The following FLT3LG variants were observed in gnomAD, a reference collection of about 807,000 sequenced individuals.
FLT3LG encodes the protein fms-related tyrosine kinase 3 ligand.
A neutral mutation model predicts 30.9 loss-of-function variants in FLT3LG; 8 were observed. The ratio of observed to expected loss-of-function variants is 0.26; its 90% CI spans 0.15 to 0.47. The LOEUF (loss-of-function observed/expected upper bound fraction) is 0.47, where lower values mean the gene tolerates loss of function less well. Among genes scored for constraint, FLT3LG ranks in the 20% least tolerant of loss-of-function variants. The pLI is 0.99. For missense variants in FLT3LG, 278 were observed against 306.2 expected (o/e 0.91, Z 0.69); for synonymous variants, 123 against 135.9 (o/e 0.91, Z 0.66).
In FLT3LG at chr19:49,478,828, G is replaced by A. The variant is rs937997322; in HGVS notation, c.343-81G>A. 3.0e-5 allele frequency: 39 copies of A among 1,300,536 alleles called. No homozygotes were observed. In the African/African-American group the frequency reaches 3.4e-4, roughly 11 times the overall value. The allele number at this position is 1,300,536 out of a possible 1,614,324, so 80.6% of individuals were successfully genotyped here. The stretch of plus-strand genomic sequence containing the variant: ...TCACTGGGCCCTGTTGCTGGGCATC[G>A]CCAGCAGGGAAGGGCCTTTGGCCTG... On this transcript the variant is annotated intron_variant, in intron 5 of 8. Coordinates refer to ENST00000597551, the MANE Select transcript of FLT3LG (RefSeq NM_001459.4).
In FLT3LG at chr19:49,478,909, C is replaced by G. The variant is rs1479729861; in HGVS notation, c.343C>G (p.Pro115Ala). ...IHFVTKCAFQ[P>A]PPSCLRFVQT... ...TGACGTCTCCCTCCCCTGCTCCCAGCCCCCCCCCAGCTGTCTTCGCTTCGT... is the reference window on the plus strand; with the variant it reads ...TGACGTCTCCCTCCCCTGCTCCCAGGCCCCCCCCAGCTGTCTTCGCTTCGT... The change falls in exon 6 of 9, where the codon CCC (proline) becomes GCC (alanine). Residue 115 changes from proline to alanine, a missense_variant and splice_region_variant. Transcript: ENST00000597551. 2 of 1,475,642 alleles carry G rather than the reference C, an allele frequency of 1.4e-6. No individual in the cohort carries two copies. Among genetic ancestry groups the G allele is most frequent in the Admixed American group, 4.5e-5 (2 of 44,796 alleles). 91.4% of individuals were successfully genotyped at this position (1,475,642 alleles called of 1,614,324 possible).
intron 2 of FLT3LG, among the ~76,000 whole-genome samples, chr19:49,475,264 A>G (rs1601068930): frequency 2.9e-5 from 4 of 140,312 alleles, no homozygotes; most frequent in Admixed American, 7.1e-5. Context: ...AAAAGGGGGG[A>G]GATGGACAGA....
intron 8 of FLT3LG, among the ~76,000 whole-genome samples, chr19:49,484,288 A>ATTTTTTTTTTTTTTTTTTTTTTTTATAT: frequency 1.0e-5 from 1 of 98,334 alleles, no homozygotes; most frequent in Non-Finnish European, 2.0e-5. Flanking sequence ...TTTTATTATA[A>ATTTTTTTTTTTTTTTTTTTTTTTTATAT]TTTTTTTTTT....
At chr19:49,478,087 G>A (rs1407995119) in intron 5 of FLT3LG, among the ~76,000 whole-genome samples, 3 of 151,602 alleles carry the variant, frequency 2.0e-5, no homozygotes, top group Non-Finnish European at 2.9e-5. Context: ...GGCCGAGGCG[G>A]GCGAGTCACC....
intron 5 of FLT3LG, 54 bp from the exon 6 acceptor site, chr19:49,478,855 G>A (rs896713347): frequency 2.8e-5 from 41 of 1,439,782 alleles, no homozygotes; most frequent in South Asian, 4.3e-5. Flanking sequence ...TTTGGCCTGC[G>A]GAGGGGCGGT....
chr19:49,474,995 T>C (rs1391412555), intron 2 of FLT3LG, among the ~76,000 whole-genome samples: 1 of 56,504 alleles, frequency 1.8e-5, no homozygotes, highest in African/African-American at 7.7e-5. Flanking sequence ...GAGAGGGAGA[T>C]AAAGAGGAGG....
chr19:49,475,531 C>A (rs1265868843), intron 2 of FLT3LG, 160 bp from the exon 3 acceptor site: 4 of 940,320 alleles, frequency 4.3e-6, no homozygotes, highest in Middle Eastern at 3.4e-4. Context: ...CCGGGAAAGA[C>A]AGGCAGAGAT....
In FLT3LG at chr19:49,480,361, C is replaced by T. The variant is rs758359819; in HGVS notation, c.545C>T (p.Pro182Leu). 53 of 1,610,348 alleles carry T rather than the reference C, an allele frequency of 3.3e-5. No individual in the cohort carries two copies. The highest frequency in any genetic ancestry group is 6.7e-5 in the Admixed American group (4 of 59,966). ...RPLEATAPTA[P>L]QPPLLLLLLL... ...CTGGAGGCCACAGCCCCGACAGCCC[C>T]GCAGCCCCCTCTGCTCCTCCTACTG... The change falls in exon 7 of 9, where the codon CCG becomes CTG. Residue 182 changes from proline to leucine, a missense_variant. By Grantham distance (98) the Pro-to-Leu change is moderately conservative. Around this residue, in one of 3 missense-constraint regions of FLT3LG, gnomAD observed 170 missense variants for 162.0 expected, o/e 1.05. Transcript: ENST00000597551.
chr19:49,483,715 C>T (rs2079693165), intron 8 of FLT3LG, among the ~76,000 whole-genome samples: 1 of 151,492 alleles, frequency 6.6e-6, no homozygotes, highest in Admixed American at 6.6e-5. Context: ...GAGCAAGACC[C>T]TGTCTCAAAA....
intron 6 of FLT3LG, 104 bp downstream of exon 6, chr19:49,479,151 G>A (rs915094983): frequency 9.3e-7 from 1 of 1,075,494 alleles, no homozygotes; most frequent in Admixed American, 3.8e-5. Context: ...TATTGGTTGT[G>A]ACAAGGGCAA....
chr19:49,476,597 G>A lies in FLT3LG; in HGVS notation c.342+31G>A. Reference sequence around the variant, plus strand: ...CCCTCAACTTAGGGGACAAGTGAGGGGAGGGAGATGCCTTCCTACGAATTA... The same window carrying A: ...CCCTCAACTTAGGGGACAAGTGAGGAGAGGGAGATGCCTTCCTACGAATTA... On this transcript the variant is annotated intron_variant, in intron 5 of 8. Coordinates refer to ENST00000597551, the MANE Select transcript of FLT3LG (RefSeq NM_001459.4). This position sits in a 1 kb window ranked among gnomAD's most constrained non-coding sequence, Gnocchi z 5.3. The A allele has an allele frequency of 6.2e-7, 1 of 1,613,106 alleles. No individual in the cohort carries two copies. Among genetic ancestry groups the A allele is most frequent in the Middle Eastern group, 1.7e-4 (1 of 6,054 alleles).
At chr19:49,474,772 G>A in intron 2 of FLT3LG, 100 bp downstream of exon 2, 1 of 1,322,758 alleles carries the variant, frequency 7.6e-7, no homozygotes, top group East Asian at 2.4e-5. Flanking sequence ...ATGGACAGAT[G>A]ACGAGGAAAT....
rs866630139 is a variant in FLT3LG at position 49,476,455 on chromosome 19, C to G, written c.231C>G (p.Val77=). The G allele has an allele frequency of 1.9e-6, 3 of 1,613,818 alleles. No individual in the cohort carries two copies. In the African/African-American group the frequency reaches 4.0e-5, roughly 22 times the overall value. ...TCTGCGGGGGCCTCTGGCGGCTGGT[C>G]CTGGCACAGCGCTGGATGGAGCGGC... ...EELCGGLWRL[V]LAQRWMERLK... is the part of the protein sequence containing the mutation. Residue 77 remains valine (V), a synonymous_variant, in exon 5 of 9, where the codon GTC becomes GTG. Coordinates refer to ENST00000597551, the MANE Select transcript of FLT3LG (RefSeq NM_001459.4). The surrounding 1 kb of genome is among the most constrained non-coding windows in gnomAD (Gnocchi z 5.3).
intron 6 of FLT3LG, 34 bp downstream of exon 6, chr19:49,479,081 T>G: frequency 6.3e-7 from 1 of 1,584,206 alleles, no homozygotes; most frequent in Non-Finnish European, 8.6e-7. Context: ...CTCCTTCCCC[T>G]CCTGTCCTCA....
At chr19:49,483,297 T>G (rs906948446) in intron 8 of FLT3LG, among the ~76,000 whole-genome samples, 2 of 151,720 alleles carry the variant, frequency 1.3e-5, no homozygotes, top group African/African-American at 4.8e-5. Flanking sequence ...TTTGTACTTT[T>G]AGTAGAGACC....
At chr19:49,478,567 G>T (rs1047617176) in intron 5 of FLT3LG, among the ~76,000 whole-genome samples, 1 of 152,038 alleles carries the variant, frequency 6.6e-6, no homozygotes, top group Admixed American at 6.6e-5. Context: ...GAGGTCAGGA[G>T]TTCGAGACCA....
Position 49,475,673 on chromosome 19 carries a change from G to A in FLT3LG, c.34-18G>A. On this transcript the variant is annotated intron_variant, in intron 2 of 8. Transcript: ENST00000597551. ...TGTGGAACAGCAGAGGGCTCCCCCA[G>A]CACCCGCTCCCCTGCAGACCTATCT... 6.2e-7 allele frequency: 1 copy of A among 1,600,200 alleles called. No homozygotes were observed. Among genetic ancestry groups the A allele is most frequent in the Non-Finnish European group, 8.5e-7 (1 of 1,179,562 alleles).
chr19:49,478,792 A>C (rs1306198612), intron 5 of FLT3LG, 117 bp from the exon 6 acceptor site: 1 of 894,184 alleles, frequency 1.1e-6, no homozygotes, highest in Non-Finnish European at 1.6e-6. Context: ...ATAAACTCTG[A>C]GAGCCAGAGC....
chr19:49,480,035 C>T (rs1335865896), intron 6 of FLT3LG, among the ~76,000 whole-genome samples: 1 of 150,980 alleles, frequency 6.6e-6, no homozygotes, highest in Non-Finnish European at 1.5e-5. Flanking sequence ...AACTCCTGAC[C>T]TCAAGTGATC....
Sources: allele counts gnomAD v4.1 joint callset (sites outside exome capture counted in the v4.1 genomes callset), GRCh38; gene constraint gnomAD v4.1.1; regional missense constraint gnomAD v4.1.1; non-coding constraint Gnocchi (gnomAD v3.1); transcripts MANE v1.5; gene names NCBI Gene and HGNC (gene_info 2026-07-23, HGNC 2026-07-21).